AUH: variants seen among roughly 807,000 people sequenced by gnomAD.
The protein encoded by AUH is methylglutaconyl-CoA hydratase, mitochondrial.
AUH carries 29 observed loss-of-function variants against 42.3 expected under a neutral mutation model. That is an observed-to-expected ratio of 0.69 (90% CI 0.51 to 0.93). The LOEUF (loss-of-function observed/expected upper bound fraction) is 0.93. Ranked by LOEUF, AUH falls within the 40% of genes least tolerant of loss-of-function variation. The pLI, the probability that AUH is intolerant of heterozygous loss-of-function variation, is 0.00. For synonymous variants in AUH, 174 were observed against 166.4 expected (o/e 1.05, Z -0.35); for missense variants, 452 against 438.1 (o/e 1.03, Z -0.28).
In AUH at chr9:91,259,252, T is replaced by G. The variant is rs115107322; in HGVS notation, c.655+36769A>C. Among the ~76,000 whole-genome samples, 453 of 152,342 alleles carry G rather than the reference T, an allele frequency of 3.0e-3. 5 individuals are homozygous for G. Among genetic ancestry groups the G allele is most frequent in the African/African-American group, 0.01 (434 of 41,586 alleles). ...CATGTCATGTTTTGGTAATTGTGTC[T>G]TGCAAGTTGGTGAATTTGCTCCTAT... On this transcript the variant is annotated intron_variant, in intron 6 of 9. Coordinates refer to ENST00000375731, the MANE Select transcript of AUH (RefSeq NM_001698.3).
chr9:91,308,583 T>A (rs1159266215), intron 4 of AUH, among the ~76,000 whole-genome samples: 1 of 152,160 alleles, frequency 6.6e-6, no homozygotes, highest in Non-Finnish European at 1.5e-5. Context: ...GCACTTCAAA[T>A]TTCTAATAAT....
At position 91,220,695 on chromosome 9, in the gene AUH, T is replaced by G. The variant is rs559058650; in HGVS notation, c.843+110A>C. On this transcript the variant is annotated intron_variant, in intron 7 of 9. Transcript: ENST00000375731. ...TTACAGAGCCCACGCATCCCTTTAC[T>G]TGGAAGCAAGCCAGGGACTTCTTCC... 6.6e-6 allele frequency: 8 copies of G among 1,214,150 alleles called. No homozygotes were observed. In the East Asian group the frequency reaches 1.7e-4, roughly 26 times the overall value. 75.2% of individuals were successfully genotyped at this position (1,214,150 alleles called of 1,614,324 possible). A position where few individuals can be genotyped will look rare whatever the true frequency, so the allele number is the denominator to read the frequency against.
intron 6 of AUH, among the ~76,000 whole-genome samples, chr9:91,264,581 C>T (rs1200980490): frequency 2.0e-5 from 3 of 152,112 alleles, no homozygotes; most frequent in Non-Finnish European, 4.4e-5. Flanking sequence ...TTGGTTATTA[C>T]TTTGTTTTCC....
At chr9:91,238,720 G>A (rs987739825) in intron 6 of AUH, among the ~76,000 whole-genome samples, 2 of 152,162 alleles carry the variant, frequency 1.3e-5, no homozygotes, top group East Asian at 1.9e-4. Flanking sequence ...AATCTCCTGC[G>A]ATTATACTAC....
At chr9:91,252,745 T>G (rs574290258) in intron 6 of AUH, among the ~76,000 whole-genome samples, 71 of 152,210 alleles carry the variant, frequency 4.7e-4, no homozygotes, top group Admixed American at 9.8e-4. Flanking sequence ...TTTGACTACA[T>G]TAGAATAAAA....
intron 6 of AUH, among the ~76,000 whole-genome samples, chr9:91,256,074 C>A (rs1348079507): frequency 3.3e-5 from 5 of 152,058 alleles, no homozygotes; most frequent in Non-Finnish European, 7.4e-5. Context: ...AAAGATTGAT[C>A]ATTTGTAATA....
intron 6 of AUH, among the ~76,000 whole-genome samples, chr9:91,257,550 G>C (rs1003442501): frequency 1.3e-5 from 2 of 152,164 alleles, no homozygotes; most frequent in African/African-American, 4.8e-5. Context: ...AAGTGGAGGA[G>C]AATAACAAAC....
chr9:91,328,481 C>G (rs572024561), intron 3 of AUH, among the ~76,000 whole-genome samples: 1 of 152,300 alleles, frequency 6.6e-6, no homozygotes, highest in South Asian at 2.1e-4. Flanking sequence ...CCAAAACATA[C>G]ACTGAGTTAT....
chr9:91,214,331 A>G lies in AUH; in HGVS notation c.*17T>C, dbSNP rs763212178. On this transcript the variant is annotated 3_prime_UTR_variant, in exon 10 of 10. Transcript: ENST00000375731. ...AGTACATTTATTACATTGGCATCTT[A>G]AGAATTTCTGTTCCTTTTATTCTCC... is the stretch of plus-strand genomic sequence containing the variant. 1.1e-5 allele frequency: 17 copies of G among 1,589,836 alleles called. No homozygotes were observed. The East Asian group carries it at 3.6e-4, about 34-fold the overall frequency.
intron 3 of AUH, among the ~76,000 whole-genome samples, chr9:91,333,406 G>A (rs1830476818): frequency 6.6e-6 from 1 of 151,980 alleles, no homozygotes; most frequent in African/African-American, 2.4e-5. Flanking sequence ...CCTATAAAGT[G>A]CCAAGTTTAA....
intron 5 of AUH, among the ~76,000 whole-genome samples, chr9:91,297,094 C>T (rs984466819): frequency 6.6e-6 from 1 of 152,162 alleles, no homozygotes; most frequent in Non-Finnish European, 1.5e-5. Flanking sequence ...ATATAGTGTC[C>T]ACAACGATGA....
chr9:91,255,330 T>C (rs1042574161), intron 6 of AUH, among the ~76,000 whole-genome samples: 4 of 152,228 alleles, frequency 2.6e-5, no homozygotes, highest in African/African-American at 9.7e-5. Context: ...TTTTTAAAAA[T>C]TGTAATGCTT....
At chr9:91,280,946 G>A (rs1403206918) in intron 6 of AUH, among the ~76,000 whole-genome samples, 1 of 152,068 alleles carries the variant, frequency 6.6e-6, no homozygotes, top group Non-Finnish European at 1.5e-5. Context: ...CCTCTTTCAG[G>A]ATTTTTTTAA....
intron 4 of AUH, among the ~76,000 whole-genome samples, chr9:91,299,975 A>G (rs1413123361): frequency 1.3e-5 from 2 of 152,108 alleles, no homozygotes; most frequent in African/African-American, 2.4e-5. Context: ...CACCATACCC[A>G]TTCACCTCCA....
rs554905018 is a variant in AUH, at chr9:91,297,026, C to T, written c.599-949G>A. On this transcript the variant is annotated intron_variant, in intron 5 of 9. Transcript: ENST00000375731. The stretch of plus-strand genomic sequence containing the variant: ...AACAGTGACAACTCTGTGCCGTCTG[C>T]TGTGCCCAGTTCTCAGTCTCAGAGC... 5.9e-5 allele frequency among the ~76,000 whole-genome samples: 9 copies of T among 152,358 alleles called. No homozygotes were observed. In the East Asian group the frequency reaches 1.5e-3, roughly 26 times the overall value.
chr9:91,271,883 T>C (rs1366808709), intron 6 of AUH, among the ~76,000 whole-genome samples: 12 of 152,194 alleles, frequency 7.9e-5, no homozygotes, highest in Non-Finnish European at 1.6e-4. Flanking sequence ...AGTTTCAACA[T>C]GTTGGCCAGA....
At chr9:91,301,647 C>T (rs956068329) in intron 4 of AUH, among the ~76,000 whole-genome samples, 3 of 152,166 alleles carry the variant, frequency 2.0e-5, no homozygotes, top group African/African-American at 4.8e-5. Flanking sequence ...TGCAGGCCCA[C>T]ACCAGGGTCA....
chr9:91,224,791 GAATTATATATAT>G (rs1456842291), intron 6 of AUH, among the ~76,000 whole-genome samples: 1 of 152,110 alleles, frequency 6.6e-6, no homozygotes, highest in Non-Finnish European at 1.5e-5. Context: ...CTGATGGCCT[GAATTATATATAT>G]TTTTACATGT....
intron 3 of AUH, among the ~76,000 whole-genome samples, chr9:91,344,099 A>T (rs1831305236): frequency 6.6e-6 from 1 of 152,184 alleles, no homozygotes; most frequent in Non-Finnish European, 1.5e-5. Context: ...ACATCAACAC[A>T]GGACCTGAAG....
Sources: allele counts gnomAD v4.1 joint callset (sites outside exome capture counted in the v4.1 genomes callset), GRCh38; gene constraint gnomAD v4.1.1; transcripts MANE v1.5; gene names NCBI Gene and HGNC (gene_info 2026-07-23, HGNC 2026-07-21).